NUDT3: variants seen among roughly 807,000 people sequenced by gnomAD.
The protein encoded by NUDT3 is diphosphoinositol polyphosphate phosphohydrolase 1.
A neutral mutation model predicts 23.6 loss-of-function variants in NUDT3; 9 were observed. That is an observed-to-expected ratio of 0.38 (90% confidence interval 0.23 to 0.66). The LOEUF (loss-of-function observed/expected upper bound fraction) is 0.66. NUDT3 is among the 30% of genes least tolerant of loss of function. The probability of loss-of-function intolerance (pLI) is 0.52; values close to 1 mark genes in which losing one functional copy is unlikely to be tolerated. For missense variants in NUDT3, 172 were observed against 218.5 expected, an observed-to-expected ratio of 0.79 and a Z score of 1.34; for synonymous variants, 86 against 82.6, an observed-to-expected ratio of 1.04 and a Z score of -0.22.
rs1763260712 is a variant in NUDT3 at position 34,279,712 on chromosome 6, C to G, written c.*9041G>C. On this transcript the variant is annotated 3_prime_UTR_variant, in exon 5 of 5. Transcript: ENST00000607016. ...AAATACTGGTTTTTATTGGTTGGCA[C>G]AAGATTACAACCTACAATTTCAATG... 6.6e-6 allele frequency: 1 copy of G among 152,102 alleles called. No individual in the cohort carries two copies. Among genetic ancestry groups the G allele is most frequent in the South Asian group, 2.1e-4 (1 of 4,834 alleles). 9.4% of individuals were successfully genotyped at this position (152,102 alleles called of 1,614,324 possible). A position where few individuals can be genotyped will look rare whatever the true frequency, so the allele number is the denominator to read the frequency against.
chr6:34,310,777 C>T (rs1394671732), intron 2 of NUDT3, among the ~76,000 whole-genome samples: 1 of 152,056 alleles, frequency 6.6e-6, no homozygotes, highest in Non-Finnish European at 1.5e-5. Context: ...TAAATCAAAT[C>T]CAACAATGTG....
At chr6:34,358,292 C>CACA (rs1561917553) in intron 1 of NUDT3, among the ~76,000 whole-genome samples, 2 of 149,952 alleles carry the variant, frequency 1.3e-5, no homozygotes, top group Admixed American at 6.7e-5. Context: ...CACACACACA[C>CACA]CCCTTATAAT....
intron 2 of NUDT3, among the ~76,000 whole-genome samples, chr6:34,322,464 T>C (rs774965061): frequency 2.2e-4 from 33 of 152,082 alleles, no homozygotes; most frequent in East Asian, 5.8e-4. Context: ...CTCCTGACCT[T>C]GTGATCCGCC....
intron 4 of NUDT3, among the ~76,000 whole-genome samples, chr6:34,292,295 G>A (rs1763435121): frequency 6.6e-6 from 1 of 152,226 alleles, no homozygotes; most frequent in African/African-American, 2.4e-5. Flanking sequence ...AATGTGAGGG[G>A]CATGGCGGCA....
intron 1 of NUDT3, among the ~76,000 whole-genome samples, chr6:34,371,733 AT>A (rs1299418681): frequency 2.0e-5 from 3 of 152,126 alleles, no homozygotes; most frequent in Non-Finnish European, 4.4e-5. Context: ...GCTAAGTGTC[AT>A]TTTTTTATTA....
chr6:34,311,412 A>C (rs1763770426), intron 2 of NUDT3, among the ~76,000 whole-genome samples: 1 of 152,208 alleles, frequency 6.6e-6, no homozygotes, highest in African/African-American at 2.4e-5. Context: ...AAAAACCACA[A>C]AACTTTCAGA....
chr6:34,359,303 G>A (rs1356773551), intron 1 of NUDT3, among the ~76,000 whole-genome samples: 1 of 152,166 alleles, frequency 6.6e-6, no homozygotes, highest in Non-Finnish European at 1.5e-5. Flanking sequence ...AACCTGGGAG[G>A]TGGAGGATGC....
chr6:34,387,419 C>T (rs1363219312), intron 1 of NUDT3, among the ~76,000 whole-genome samples: 1 of 151,920 alleles, frequency 6.6e-6, no homozygotes, highest in Non-Finnish European at 1.5e-5. Context: ...GTGTTTGTGT[C>T]TTTGTTTTCA....
At chr6:34,323,107 A>G (rs1190821243) in intron 2 of NUDT3, among the ~76,000 whole-genome samples, 1 of 152,142 alleles carries the variant, frequency 6.6e-6, no homozygotes, top group East Asian at 1.9e-4. Context: ...AAAAGTGGGG[A>G]GGGGGGAAGT....
At chr6:34,309,775 T>C (rs1264421158) in intron 2 of NUDT3, among the ~76,000 whole-genome samples, 1 of 151,908 alleles carries the variant, frequency 6.6e-6, no homozygotes, top group Non-Finnish European at 1.5e-5. Flanking sequence ...AAAGATGCCA[T>C]GAACAAAAAA....
At chr6:34,340,880 G>GT (rs1381029251) in intron 2 of NUDT3, among the ~76,000 whole-genome samples, 2 of 152,224 alleles carry the variant, frequency 1.3e-5, no homozygotes, top group Non-Finnish European at 2.9e-5. Context: ...ATAAGCCAAT[G>GT]TAAGTGTAGG....
chr6:34,318,088 C>T (rs1763888157), intron 2 of NUDT3, among the ~76,000 whole-genome samples: 1 of 152,146 alleles, frequency 6.6e-6, no homozygotes, highest in Non-Finnish European at 1.5e-5. Context: ...CCCCCAGAGA[C>T]ATCTTTGCTT....
intron 1 of NUDT3, among the ~76,000 whole-genome samples, chr6:34,361,248 T>A (rs1460551557): frequency 1.3e-5 from 2 of 152,058 alleles, no homozygotes; most frequent in African/African-American, 4.8e-5. Context: ...AAAGAACATA[T>A]GCAGATGGTA....
intron 1 of NUDT3, among the ~76,000 whole-genome samples, chr6:34,383,676 G>A (rs1293918036): frequency 6.6e-6 from 1 of 152,196 alleles, no homozygotes; most frequent in Non-Finnish European, 1.5e-5. Context: ...ACAGCACACA[G>A]TAGATGTGCA....
At chr6:34,373,050 C>T (rs1181809477) in intron 1 of NUDT3, among the ~76,000 whole-genome samples, 5 of 151,818 alleles carry the variant, frequency 3.3e-5, no homozygotes, top group South Asian at 2.1e-4. Context: ...GAAGCCGAGG[C>T]GGGCGAATCA....
In NUDT3 at chr6:34,343,545, A is replaced by C. The variant is rs190314400; in HGVS notation, c.100-1573T>G. On this transcript the variant is annotated intron_variant, in intron 1 of 4. Coordinates refer to ENST00000607016, the MANE Select transcript of NUDT3 (RefSeq NM_006703.4). The stretch of plus-strand genomic sequence containing the variant: ...CACAGAGTGAGACCCCCATCTCAAA[A>C]AAAAAAAAATCCTCTCATTGGACTG... Among the ~76,000 whole-genome samples the C allele has an allele frequency of 3.4e-3, 518 of 152,108 alleles. 5 individuals are homozygous for C. Among genetic ancestry groups the C allele is most frequent in the Admixed American group, 7.5e-3 (115 of 15,266 alleles).
intron 2 of NUDT3, among the ~76,000 whole-genome samples, 176 bp from the exon 3 acceptor site, chr6:34,295,861 G>C (rs1763491873): frequency 6.6e-6 from 1 of 152,140 alleles, no homozygotes; most frequent in Admixed American, 6.6e-5. Context: ...CTACTAACCT[G>C]CTAACAGCTG....
intron 2 of NUDT3, among the ~76,000 whole-genome samples, chr6:34,325,347 T>A (rs564971590): frequency 3.0e-4 from 45 of 152,332 alleles, no homozygotes; most frequent in African/African-American, 1.1e-3. Flanking sequence ...TAGATGGAAC[T>A]ATAAGTGCAA....
At chr6:34,347,977 AAAAT>A (rs140070236) in intron 1 of NUDT3, among the ~76,000 whole-genome samples, 3 of 151,408 alleles carry the variant, frequency 2.0e-5, no homozygotes, top group Non-Finnish European at 4.4e-5. Context: ...GTCTACCAAA[AAAAT>A]AAATAAATAA....
Sources: gnomAD v4.1 joint callset for allele counts (sites outside exome capture counted in the v4.1 genomes callset) on GRCh38, gnomAD v4.1.1 for gene constraint, MANE v1.5 for transcripts, NCBI Gene and HGNC (gene_info 2026-07-23, HGNC 2026-07-21) for gene names.